Variants in ZNF490 observed in about 807,000 individuals in gnomAD.
The protein encoded by ZNF490 is zinc finger protein 490.
A neutral mutation model predicts 17.7 loss-of-function variants in ZNF490; 11 were observed. The ratio of observed to expected loss-of-function variants is 0.62; its 90% confidence interval spans 0.39 to 1.03. The LOEUF (loss-of-function observed/expected upper bound fraction) is 1.03, where lower values mean the gene tolerates loss of function less well. Among genes scored for constraint, ZNF490 ranks in the 50% least tolerant of loss-of-function variants. The probability of loss-of-function intolerance (pLI) is 0.00; values close to 1 mark genes in which losing one functional copy is unlikely to be tolerated. For synonymous variants in ZNF490, 222 were observed against 216.1 expected (o/e 1.03, Z -0.24); for missense variants, 542 against 643.4 (o/e 0.84, Z 1.71).
rs752940960 is a variant in ZNF490, at chr19:12,610,720, G to C, written c.-40C>G. ...CCAGAAACACTGCAGGAAGACTTCC[G>C]TGTCCGACCCGAGATCCGGAACAAT... On this transcript the variant is annotated 5_prime_UTR_variant, in exon 1 of 5. Coordinates refer to ENST00000311437, the MANE Select transcript of ZNF490 (RefSeq NM_020714.3). 4.4e-6 allele frequency: 7 copies of C among 1,585,268 alleles called. No homozygotes were observed. The highest frequency in any genetic ancestry group is 5.2e-6 in the Non-Finnish European group (6 of 1,156,754).
chr19:12,592,154 G>A lies in ZNF490; in HGVS notation c.163-8598C>T, dbSNP rs113362112. Among the ~76,000 whole-genome samples, 1,144 of 152,254 alleles carry A rather than the reference G, an allele frequency of 7.5e-3. 10 individuals carry two copies. Among genetic ancestry groups the A allele is most frequent in the African/African-American group, 0.025 (1,045 of 41,544 alleles). On this transcript the variant is annotated intron_variant, in intron 2 of 4. Transcript: ENST00000311437. ...AGATCGAGACTATCCTGGCCAACAT[G>A]GTGAAATCCTGTCTCTACTAAAAAT...
chr19:12,583,656 C>CCATATAA, intron 2 of ZNF490, 100 bp from the exon 3 acceptor site: 1 of 1,304,232 alleles, frequency 7.7e-7, no homozygotes, highest in Non-Finnish European at 1.0e-6. Flanking sequence ...ATCCTGTAGT[C>CCATATAA]TCGGTTTAGT....
At chr19:12,589,730 C>T (rs1472433880) in intron 2 of ZNF490, among the ~76,000 whole-genome samples, 1 of 151,934 alleles carries the variant, frequency 6.6e-6, no homozygotes. Context: ...GTGCATGCCA[C>T]TGCATCGGGC....
At chr19:12,606,070 G>T (rs1300498826) in intron 2 of ZNF490, among the ~76,000 whole-genome samples, 1 of 151,960 alleles carries the variant, frequency 6.6e-6, no homozygotes, top group African/African-American at 2.4e-5. Flanking sequence ...AGTAGAAACA[G>T]GGTTTCTCCA....
At chr19:12,602,749 C>T (rs1204073299) in intron 2 of ZNF490, among the ~76,000 whole-genome samples, 2 of 151,706 alleles carry the variant, frequency 1.3e-5, no homozygotes, top group South Asian at 2.1e-4. Flanking sequence ...CTCAGCCTCC[C>T]GAGAAGCTGG....
At chr19:12,595,991 G>A (rs529277186) in intron 2 of ZNF490, among the ~76,000 whole-genome samples, 95 of 151,902 alleles carry the variant, frequency 6.3e-4, no homozygotes, top group African/African-American at 2.1e-3. Flanking sequence ...TTGGGCCAGC[G>A]CAGCAGCTCA....
chr19:12,606,643 C>A (rs530649976), intron 2 of ZNF490, among the ~76,000 whole-genome samples: 1 of 151,842 alleles, frequency 6.6e-6, no homozygotes, highest in Non-Finnish European at 1.5e-5. Flanking sequence ...CTGCACCTGG[C>A]CAATTTTTTT....
chr19:12,608,152 C>T lies in ZNF490; in HGVS notation c.162+1006G>A, dbSNP rs75738002. 4.7e-3 allele frequency among the ~76,000 whole-genome samples: 712 copies of T among 152,294 alleles called. 4 individuals carry two copies. The highest frequency in any genetic ancestry group is 0.017 in the African/African-American group (687 of 41,560). ...GTCACTTAGATCAGGGAACTGATAG[C>T]AATGACAAAATTAGGTACCCCCGAC... On this transcript the variant is annotated intron_variant, in intron 2 of 4. Coordinates refer to ENST00000311437, the MANE Select transcript of ZNF490 (RefSeq NM_020714.3).
chr19:12,589,066 A>C (rs932461471), intron 2 of ZNF490, among the ~76,000 whole-genome samples: 9 of 152,226 alleles, frequency 5.9e-5, no homozygotes, highest in Non-Finnish European at 1.5e-5. Context: ...TCACGCCTGT[A>C]ATCCCAGCGC....
Position 12,578,453 on chromosome 19 carries a change from G to T in ZNF490, c.*2032C>A, listed in dbSNP as rs2022674663. ...TGCTTCTTCAGTCTCTCACCTCAGA[G>T]CCACCTGCGGTTGCCACAGAGAAAT... On this transcript the variant is annotated 3_prime_UTR_variant, in exon 5 of 5. Coordinates refer to ENST00000311437, the MANE Select transcript of ZNF490 (RefSeq NM_020714.3). 6.1e-6 allele frequency: 6 copies of T among 985,452 alleles called. No homozygotes were observed. Among genetic ancestry groups the T allele is most frequent in the Non-Finnish European group, 7.2e-6 (6 of 829,964 alleles). The allele number at this position is 985,452 out of a possible 1,614,324, so 61.0% of individuals were successfully genotyped here.
At chr19:12,581,746 T>TA (rs765769843) in intron 4 of ZNF490, 22 bp from the exon 5 acceptor site, 1 of 1,542,136 alleles carries the variant, frequency 6.5e-7, no homozygotes, top group Non-Finnish European at 8.7e-7. Context: ...GAGTACCGTA[T>TA]TATTAATAGT....
chr19:12,593,927 T>C (rs912165112), intron 2 of ZNF490, among the ~76,000 whole-genome samples: 7 of 152,176 alleles, frequency 4.6e-5, no homozygotes, highest in Admixed American at 4.6e-4. Flanking sequence ...TTTGACTCTG[T>C]AATTTTGAAA....
In ZNF490 at chr19:12,577,355, T is replaced by G; in HGVS notation, c.*3130A>C. The G allele has an allele frequency of 1.1e-4, 90 of 853,700 alleles. No homozygotes were observed. The highest frequency in any genetic ancestry group is 1.2e-4 in the Non-Finnish European group (86 of 709,720). The allele number at this position is 853,700 out of a possible 1,614,324, so 52.9% of individuals were successfully genotyped here. A position where few individuals can be genotyped will look rare whatever the true frequency, so the allele number is the denominator to read the frequency against. On this transcript the variant is annotated 3_prime_UTR_variant, in exon 5 of 5. Transcript: ENST00000311437. ...ATACCTATCACAAAAGATGGCTCCTTGAGCCCATTCTGACAGTGAAGGAAT... is the reference window on the plus strand; with the variant it reads ...ATACCTATCACAAAAGATGGCTCCTGGAGCCCATTCTGACAGTGAAGGAAT...
Position 12,580,710 on chromosome 19 carries a change from G to A in ZNF490, c.1365C>T (p.Phe455=). The A allele has an allele frequency of 1.9e-6, 3 of 1,614,146 alleles. No homozygotes were observed. The South Asian group carries it at 3.3e-5, about 18-fold the overall frequency. ...PYECKQCGRV[F]IYFSHLRRHE... The stretch of plus-strand genomic sequence containing the variant: ...GCCTTCGAAGGTGACTGAAGTAAAT[G>A]AAGACCCGACCACACTGTTTGCATT... The change falls in exon 5 of 5, where the codon TTC becomes TTT. Residue 455 remains phenylalanine (F), a synonymous_variant. Coordinates refer to ENST00000311437, the MANE Select transcript of ZNF490 (RefSeq NM_020714.3).
At chr19:12,606,853 G>C (rs923549218) in intron 2 of ZNF490, among the ~76,000 whole-genome samples, 1 of 152,086 alleles carries the variant, frequency 6.6e-6, no homozygotes, top group Non-Finnish European at 1.5e-5. Context: ...TTTTACTAAA[G>C]AACAAATAAA....
chr19:12,591,775 CATT>C (rs1268732154), intron 2 of ZNF490, among the ~76,000 whole-genome samples: 1 of 150,214 alleles, frequency 6.7e-6, no homozygotes, highest in African/African-American at 2.5e-5. Context: ...TAAGTATCAT[CATT>C]ATTTGCTGCT....
At chr19:12,593,392 C>T (rs1053297116) in intron 2 of ZNF490, among the ~76,000 whole-genome samples, 1 of 152,064 alleles carries the variant, frequency 6.6e-6, no homozygotes, top group Non-Finnish European at 1.5e-5. Context: ...GGATTACAGG[C>T]ACGAGCCACC....
At position 12,584,520 on chromosome 19, in the gene ZNF490, A is replaced by G. The variant is rs1463179872; in HGVS notation, c.163-964T>C. Among the ~76,000 whole-genome samples the G allele has an allele frequency of 1.5e-4, 14 of 94,544 alleles. 5 individuals are homozygous for G. Among genetic ancestry groups the G allele is most frequent in the Non-Finnish European group, 4.0e-4 (14 of 35,086 alleles). 62.0% of individuals were successfully genotyped at this position (94,544 alleles called of 152,430 possible). ...GATATATGAGAGAAATGCTGTACAA[A>G]TGAAACAAATTGTAAGATCATCAAT... On this transcript the variant is annotated intron_variant, in intron 2 of 4. Coordinates refer to ENST00000311437, the MANE Select transcript of ZNF490 (RefSeq NM_020714.3).
chr19:12,580,976 A>G lies in ZNF490; in HGVS notation c.1099T>C (p.Cys367Arg), dbSNP rs1193634818. The G allele has an allele frequency of 6.2e-7, 1 of 1,614,002 alleles. No homozygotes were observed. Among genetic ancestry groups the G allele is most frequent in the Non-Finnish European group, 8.5e-7 (1 of 1,180,036 alleles). ...TGVQPYTCKK[C>R]GEAFKSSSSC... ...CTAGATGACTTGAAGGCTTCCCCAC[A>G]TTTCTTACATGTATAAGGTTGAACT... Residue 367 changes from cysteine (C) to arginine (R), a missense_variant, in exon 5 of 5, where the codon TGT (cysteine) becomes CGT (arginine). Coordinates refer to ENST00000311437, the MANE Select transcript of ZNF490 (RefSeq NM_020714.3).
Sources: allele counts gnomAD v4.1 joint callset (sites outside exome capture counted in the v4.1 genomes callset), GRCh38; gene constraint gnomAD v4.1.1; transcripts MANE v1.5; gene names NCBI Gene and HGNC (gene_info 2026-07-23, HGNC 2026-07-21).